DNAJC11: variants seen among roughly 807,000 people sequenced by gnomAD.
DNAJC11 encodes the protein DnaJ heat shock protein family (Hsp40) member C11.
In DNAJC11, 15 loss-of-function variants were observed where a neutral mutation model predicts 78.6. That is an observed-to-expected ratio of 0.19 (90% CI 0.13 to 0.29). The LOEUF (loss-of-function observed/expected upper bound fraction) is 0.29, where lower values mean the gene tolerates loss of function less well. DNAJC11 is among the 10% of genes least tolerant of loss of function. DNAJC11 has a pLI of 1.00. For missense variants in DNAJC11, 547 were observed against 709.6 expected, an observed-to-expected ratio of 0.77 and a Z score of 2.60; for synonymous variants, 292 against 272.1, an observed-to-expected ratio of 1.07 and a Z score of -0.72.
chr1:6,662,451 C>T (rs1456396927), intron 4 of DNAJC11, among the ~76,000 whole-genome samples: 1 of 152,146 alleles, frequency 6.6e-6, no homozygotes, highest in Non-Finnish European at 1.5e-5. Flanking sequence ...ACCTCAGCCT[C>T]CCAAAGTGTT....
At chr1:6,673,195 CAAAAAA>C (rs70981399) in intron 3 of DNAJC11, among the ~76,000 whole-genome samples, 25 of 39,302 alleles carry the variant, frequency 6.4e-4, no homozygotes, top group African/African-American at 2.4e-3. Context: ...AACTCCATCT[CAAAAAA>C]AAAAAAAAAA....
chr1:6,645,233 T>C lies in DNAJC11; in HGVS notation c.895-107A>G. The C allele has an allele frequency of 1.2e-6, 1 of 852,348 alleles. No homozygotes were observed. Among genetic ancestry groups the C allele is most frequent in the Non-Finnish European group, 2.0e-6 (1 of 510,120 alleles). The allele number at this position is 852,348 out of a possible 1,614,324, so 52.8% of individuals were successfully genotyped here. ...CTGGGCATCTGCTGCACACAGGCCT[T>C]TAAGGCAGGGGTCACGGTCTGGCAG... On this transcript the variant is annotated intron_variant, in intron 8 of 15. Transcript: ENST00000377577. This position sits in a 1 kb window ranked among gnomAD's most constrained non-coding sequence, Gnocchi z 4.1.
rs781562877 is a variant in DNAJC11, at chr1:6,654,029, C to G, written c.389G>C (p.Ser130Thr). The G allele has an allele frequency of 1.2e-6, 2 of 1,612,776 alleles. No individual in the cohort carries two copies. Among genetic ancestry groups the G allele is most frequent in the African/African-American group, 1.3e-5 (1 of 74,900 alleles). ...QQRTNPKGTI[S>T]VGVDATDLFD... ...AAGGTCGGTGGCATCTACTCCAACGCTGATCGTTCCCTGGGGCAGAAAAAC... is the reference window on the plus strand; with the variant it reads ...AAGGTCGGTGGCATCTACTCCAACGGTGATCGTTCCCTGGGGCAGAAAAAC... Residue 130 changes from serine (S) to threonine (T), a missense_variant, in exon 5 of 16, where the codon AGC (serine) becomes ACC (threonine). Physicochemically the swap from Ser to Thr is moderately conservative, Grantham distance 58. Coordinates refer to ENST00000377577, the MANE Select transcript of DNAJC11 (RefSeq NM_018198.4).
chr1:6,656,402 C>A (rs1642127217), intron 4 of DNAJC11, among the ~76,000 whole-genome samples: 1 of 151,398 alleles, frequency 6.6e-6, no homozygotes, highest in African/African-American at 2.4e-5. Flanking sequence ...TTCAAAAGAT[C>A]ATAAATAAAG....
chr1:6,665,942 C>T (rs1052667539), intron 4 of DNAJC11, among the ~76,000 whole-genome samples: 1 of 152,184 alleles, frequency 6.6e-6, no homozygotes, highest in Non-Finnish European at 1.5e-5. Flanking sequence ...CAAGCAGGAA[C>T]CATGAGCACA....
rs761352221 is a variant in DNAJC11, at chr1:6,644,643, C to T, written c.1012G>A (p.Gly338Arg). The change falls in exon 10 of 16, where the codon GGA becomes AGA. Residue 338 changes from glycine (G) to arginine (R), a missense_variant. Physicochemically the swap from Gly to Arg is moderately radical, Grantham distance 125 (BLOSUM62 -2). Transcript: ENST00000377577. ...AGFFGTVVEY[G>R]AERKISRHSV... ...TGCCTGGAGATCTTCCTCTCAGCTCCGTACTCCACCACCGTCCCAAAGAAG... is the reference window on the plus strand; with the variant it reads ...TGCCTGGAGATCTTCCTCTCAGCTCTGTACTCCACCACCGTCCCAAAGAAG... The T allele has an allele frequency of 6.8e-6, 11 of 1,614,082 alleles. No homozygotes were observed. The highest frequency in any genetic ancestry group is 1.1e-5 in the South Asian group (1 of 91,088).
chr1:6,651,827 T>C (rs1369064931), intron 6 of DNAJC11, among the ~76,000 whole-genome samples: 1 of 152,204 alleles, frequency 6.6e-6, no homozygotes, highest in African/African-American at 2.4e-5. Context: ...CAAAGGCACA[T>C]GTTTCATTGG....
chr1:6,699,789 G>A (rs1642895874), intron 1 of DNAJC11, among the ~76,000 whole-genome samples: 2 of 152,050 alleles, frequency 1.3e-5, no homozygotes, highest in South Asian at 2.1e-4. Flanking sequence ...TGATTAGCCC[G>A]AAGTGTTGAT....
intron 10 of DNAJC11, among the ~76,000 whole-genome samples, chr1:6,641,744 CTT>C (rs1641881673): frequency 6.6e-6 from 1 of 152,126 alleles, no homozygotes; most frequent in Non-Finnish European, 1.5e-5. Flanking sequence ...AGTGATTTGG[CTT>C]TGTTTCCAAA....
At chr1:6,682,845 G>A (rs915594971) in intron 1 of DNAJC11, among the ~76,000 whole-genome samples, 5 of 152,126 alleles carry the variant, frequency 3.3e-5, no homozygotes, top group Admixed American at 6.5e-5. Context: ...GATCACCTAA[G>A]CCTGGGGAGG....
Position 6,667,904 on chromosome 1 carries a change from A to G in DNAJC11, c.277-94T>C, listed in dbSNP as rs566173767. 319 of 1,209,316 alleles carry G rather than the reference A, an allele frequency of 2.6e-4. No individual in the cohort carries two copies. The African/African-American group carries it at 4.3e-3, about 16-fold the overall frequency. The allele number at this position is 1,209,316 out of a possible 1,614,324, so 74.9% of individuals were successfully genotyped here. A position where few individuals can be genotyped will look rare whatever the true frequency, so the allele number is the denominator to read the frequency against. On this transcript the variant is annotated intron_variant, in intron 3 of 15. Transcript: ENST00000377577. The stretch of plus-strand genomic sequence containing the variant: ...TGCAGCCATTGATTTTGGTGTGTGC[A>G]TGCTGCCTGGGGTCCGGCCACAGCC...
intron 11 of DNAJC11, among the ~76,000 whole-genome samples, chr1:6,639,257 T>C (rs1641836155): frequency 6.6e-6 from 1 of 152,104 alleles, no homozygotes; most frequent in South Asian, 2.1e-4. Flanking sequence ...CGCATTCCTC[T>C]TAAACTCAGC....
At chr1:6,639,462 T>G (rs1406622160) in intron 11 of DNAJC11, among the ~76,000 whole-genome samples, 1 of 152,046 alleles carries the variant, frequency 6.6e-6, no homozygotes, top group Non-Finnish European at 1.5e-5. Flanking sequence ...CCCAGGTAGC[T>G]GGGATTACAG....
In DNAJC11 at chr1:6,634,197, A is replaced by C. The variant is rs146601847; in HGVS notation, c.*1478T>G. On this transcript the variant is annotated 3_prime_UTR_variant, in exon 16 of 16. Transcript: ENST00000377577. ...CTTTCAGGAAAGGTTTATTGTGGTG[A>C]GTGCCTTCTGTACAGTCGACTGCAA... The C allele has an allele frequency of 0.011, 11,830 of 1,098,372 alleles. 106 individuals are homozygous for C. Among genetic ancestry groups the C allele is most frequent in the South Asian group, 0.026 (1,847 of 72,388 alleles). The allele number at this position is 1,098,372 out of a possible 1,614,324, so 68.0% of individuals were successfully genotyped here. A position where few individuals can be genotyped will look rare whatever the true frequency, so the allele number is the denominator to read the frequency against.
Position 6,667,778 on chromosome 1 carries a change from A to C in DNAJC11, c.309T>G (p.Ile103Met). 6.2e-7 allele frequency: 1 copy of C among 1,614,036 alleles called. No homozygotes were observed. Among genetic ancestry groups the C allele is most frequent in the Non-Finnish European group, 8.5e-7 (1 of 1,180,020 alleles). Residue 103 changes from isoleucine to methionine, a missense_variant, in exon 4 of 16, where the codon ATT becomes ATG. Coordinates refer to ENST00000377577, the MANE Select transcript of DNAJC11 (RefSeq NM_018198.4). ...VVERRRTPAE[I>M]REEFERLQRE... ...TCTGCAGCCGCTCAAACTCCTCTCG[A>C]ATTTCAGCAGGGGTTCTCCTCCTTT...
At chr1:6,675,629 C>T (rs1303718588) in intron 3 of DNAJC11, among the ~76,000 whole-genome samples, 2 of 152,088 alleles carry the variant, frequency 1.3e-5, no homozygotes, top group Non-Finnish European at 2.9e-5. Flanking sequence ...CACTGTGTTG[C>T]TCCAGCTGGT....
intron 7 of DNAJC11, among the ~76,000 whole-genome samples, chr1:6,646,365 C>T (rs935070694): frequency 4.6e-5 from 7 of 152,292 alleles, no homozygotes; most frequent in South Asian, 2.1e-4. Flanking sequence ...TCATACTGCA[C>T]GCTGGAATCA....
At chr1:6,637,538 C>T (rs1641800494) in intron 12 of DNAJC11, 34 bp from the exon 13 acceptor site, 5 of 1,613,078 alleles carry the variant, frequency 3.1e-6, no homozygotes, top group East Asian at 2.2e-5. Flanking sequence ...AGTCAGGGCC[C>T]TGCCAGGCCT....
intron 7 of DNAJC11, among the ~76,000 whole-genome samples, chr1:6,647,080 CTTTTTTTTTTTT>C (rs70981396): frequency 1.1e-5 from 1 of 95,032 alleles, no homozygotes; most frequent in Admixed American, 1.3e-4. Context: ...CTGGACAGGT[CTTTTTTTTTTTT>C]TTTTTTTTTT....
Sources: gnomAD v4.1 joint callset for allele counts (sites outside exome capture counted in the v4.1 genomes callset) on GRCh38, gnomAD v4.1.1 for gene constraint, Gnocchi (gnomAD v3.1) non-coding constraint, MANE v1.5 for transcripts, NCBI Gene and HGNC (gene_info 2026-07-23, HGNC 2026-07-21) for gene names.